Variants in GRIP2 observed in about 807,000 individuals in gnomAD.
The protein encoded by GRIP2 is glutamate receptor-interacting protein 2.
A neutral mutation model predicts 108.3 loss-of-function variants in GRIP2; 58 were observed. That is an observed-to-expected ratio of 0.54 (90% confidence interval 0.43 to 0.67). The LOEUF (loss-of-function observed/expected upper bound fraction) is 0.67. Among genes scored for constraint, GRIP2 ranks in the 30% least tolerant of loss-of-function variants. The pLI, the probability that GRIP2 is intolerant of heterozygous loss-of-function variation, is 0.00. For synonymous variants in GRIP2, 586 were observed against 598.2 expected (o/e 0.98, Z 0.30); for missense variants, 1,278 against 1,430.6 (o/e 0.89, Z 1.72).
chr3:14,514,505 A>G lies in GRIP2; in HGVS notation c.1307-27T>C, dbSNP rs1478512525. The G allele has an allele frequency of 2.0e-6, 3 of 1,515,524 alleles. No individual in the cohort carries two copies. In the Admixed American group the frequency reaches 6.3e-5, roughly 32 times the overall value. The allele number at this position is 1,515,524 out of a possible 1,614,324, so 93.9% of individuals were successfully genotyped here. On this transcript the variant is annotated intron_variant, in intron 11 of 23. Coordinates refer to ENST00000621039, the MANE Select transcript of GRIP2 (RefSeq NM_001080423.4). Reference sequence around the variant, plus strand: ...TGTAGGACAGGTGGGCCCAGCATTCAGGTGAGCCGCCCCACGGAGGTCTTC... The same window carrying G: ...TGTAGGACAGGTGGGCCCAGCATTCGGGTGAGCCGCCCCACGGAGGTCTTC...
In GRIP2 at chr3:14,496,764, A is replaced by G. The variant is rs1447869888; in HGVS notation, c.2680-204T>C. 2.4e-4 allele frequency among the ~76,000 whole-genome samples: 37 copies of G among 152,208 alleles called. 1 individual carries two copies. The highest frequency in any genetic ancestry group is 2.4e-3 in the Admixed American group (37 of 15,282). The stretch of plus-strand genomic sequence containing the variant: ...CACACTAACAATGAGAACAATAATC[A>G]CTGGCACGTAATCATTCGTGCCGAC... On this transcript the variant is annotated intron_variant, in intron 21 of 23. Transcript: ENST00000621039.
rs117375250 is a variant in GRIP2, at chr3:14,497,902, C to T, written c.2680-1342G>A. On this transcript the variant is annotated intron_variant, in intron 21 of 23. Transcript: ENST00000621039. The stretch of plus-strand genomic sequence containing the variant: ...TAAGCTGCCAGTCAGGAGTATGTGG[C>T]CCTGAGGGAAACAGCTTCACACTCA... Among the ~76,000 whole-genome samples the T allele has an allele frequency of 1.4e-4, 21 of 152,194 alleles. No homozygotes were observed. In the East Asian group the frequency reaches 4.1e-3, roughly 29 times the overall value.
Position 14,505,853 on chromosome 3 carries a change from T to G in GRIP2, c.2399-64A>C. The G allele has an allele frequency of 7.0e-7, 1 of 1,427,944 alleles. No individual in the cohort carries two copies. Among genetic ancestry groups the G allele is most frequent in the East Asian group, 2.6e-5 (1 of 39,170 alleles). The allele number at this position is 1,427,944 out of a possible 1,614,324, so 88.5% of individuals were successfully genotyped here. A position where few individuals can be genotyped will look rare whatever the true frequency, so the allele number is the denominator to read the frequency against. The stretch of plus-strand genomic sequence containing the variant: ...TCACCTTGCCCTCCTGCCTGCCCCA[T>G]TTCCAGCTGTGCTGAGTGACCCTGG... On this transcript the variant is annotated intron_variant, in intron 19 of 23. Transcript: ENST00000621039. This position sits in a 1 kb window ranked among gnomAD's most constrained non-coding sequence, Gnocchi z 4.2.
intron 21 of GRIP2, among the ~76,000 whole-genome samples, chr3:14,502,051 T>A (rs188210147): frequency 5.9e-5 from 9 of 152,310 alleles, no homozygotes; most frequent in Non-Finnish European, 1.2e-4. Flanking sequence ...TATATATTTT[T>A]TCAGGTGTAC....
intron 1 of GRIP2, among the ~76,000 whole-genome samples, chr3:14,547,182 G>A (rs186369956): frequency 3.1e-4 from 47 of 152,106 alleles, no homozygotes; most frequent in African/African-American, 1.1e-3. Context: ...AAGGGAGGGA[G>A]GAAAGATGGA....
the GRIP2 span, among the ~76,000 whole-genome samples, chr3:14,593,404 G>A: frequency 3.9e-5 from 6 of 152,158 alleles, no homozygotes; most frequent in Admixed American, 6.5e-5. Flanking sequence ...TCCCGCTTCC[G>A]GCAACGCAAG....
In GRIP2 at chr3:14,507,829, C is replaced by A; in HGVS notation, c.2079-129G>T. On this transcript the variant is annotated intron_variant, in intron 17 of 23. Transcript: ENST00000621039. This position sits in a 1 kb window ranked among gnomAD's most constrained non-coding sequence, Gnocchi z 4.6. ...GCTGACCCCAGTTAAACCCAGCTGC[C>A]AAAAACAAAACAAAAGCACGCAAGT... 1 of 1,013,156 alleles carries A rather than the reference C, an allele frequency of 9.9e-7. No individual in the cohort carries two copies. The highest frequency in any genetic ancestry group is 1.4e-6 in the Non-Finnish European group (1 of 691,330). The allele number at this position is 1,013,156 out of a possible 1,614,324, so 62.8% of individuals were successfully genotyped here.
At chr3:14,574,667 C>T in the GRIP2 span, 1 of 637,356 alleles carries the variant, frequency 1.6e-6, no homozygotes, top group South Asian at 1.5e-5. Context: ...TCGTGTTTTC[C>T]GCCAGAAAGC....
At chr3:14,582,401 C>G in the GRIP2 span, among the ~76,000 whole-genome samples, 3 of 152,164 alleles carry the variant, frequency 2.0e-5, no homozygotes, top group Non-Finnish European at 4.4e-5. Context: ...CCAGAGGCCA[C>G]CCACAAGATT....
intron 21 of GRIP2, 36 bp downstream of exon 21, chr3:14,503,530 G>A (rs570751153): frequency 1.4e-6 from 2 of 1,476,270 alleles, no homozygotes; most frequent in African/African-American, 1.4e-5. Context: ...ACAGCCCCGG[G>A]TGCCCCATGC....
In GRIP2 at chr3:14,511,049, C is replaced by T; in HGVS notation, c.1933+116G>A. 1 of 1,249,730 alleles carries T rather than the reference C, an allele frequency of 8.0e-7. No homozygotes were observed. Among genetic ancestry groups the T allele is most frequent in the Non-Finnish European group, 1.1e-6 (1 of 901,722 alleles). The allele number at this position is 1,249,730 out of a possible 1,614,324, so 77.4% of individuals were successfully genotyped here. ...TCATTTGTTCATTCCAGCCAGCCTT[C>T]AGCAGCGCCCACCACCCTCCCTTCC... On this transcript the variant is annotated intron_variant, in intron 16 of 23. Coordinates refer to ENST00000621039, the MANE Select transcript of GRIP2 (RefSeq NM_001080423.4). This position sits in a 1 kb window ranked among gnomAD's most constrained non-coding sequence, Gnocchi z 4.1.
chr3:14,497,153 G>A (rs1048189435), intron 21 of GRIP2, among the ~76,000 whole-genome samples: 5 of 151,898 alleles, frequency 3.3e-5, no homozygotes, highest in African/African-American at 1.2e-4. Flanking sequence ...TTTTAGTACA[G>A]ACGAGGTTTC....
upstream of GRIP2, among the ~76,000 whole-genome samples, chr3:14,560,007 C>G (rs1280203060): frequency 1.3e-5 from 2 of 152,140 alleles, no homozygotes; most frequent in Admixed American, 6.5e-5. Flanking sequence ...AATTCCAGCC[C>G]TTTGGGAGGC....
chr3:14,540,363 G>C, upstream of GRIP2: 1 of 1,611,638 alleles, frequency 6.2e-7, no homozygotes, highest in Non-Finnish European at 8.5e-7. The surrounding 1 kb of genome is among the most constrained non-coding windows in gnomAD (Gnocchi z 4.1). Context: ...CACGCTGCTT[G>C]GCCCTCCCTC....
In GRIP2 at chr3:14,522,852, C is replaced by T. The variant is rs753321188; in HGVS notation, c.566+148G>A. 3 of 666,018 alleles carry T rather than the reference C, an allele frequency of 4.5e-6. No individual in the cohort carries two copies. Among genetic ancestry groups the T allele is most frequent in the Middle Eastern group, 3.9e-4 (1 of 2,588 alleles). 41.3% of individuals were successfully genotyped at this position (666,018 alleles called of 1,614,324 possible). ...GGTTACATCCCGGTTCCATCAACAA[C>T]TCCCTGAATGACACCGGGCAGGGAG... On this transcript the variant is annotated intron_variant, in intron 6 of 23. Coordinates refer to ENST00000621039, the MANE Select transcript of GRIP2 (RefSeq NM_001080423.4). This position sits in a 1 kb window ranked among gnomAD's most constrained non-coding sequence, Gnocchi z 4.3.
chr3:14,505,656 A>G lies in GRIP2; in HGVS notation c.2532T>C (p.Phe844=). The change falls in exon 20 of 24, where the codon TTT becomes TTC. Residue 844 remains phenylalanine (F), a synonymous_variant. Coordinates refer to ENST00000621039, the MANE Select transcript of GRIP2 (RefSeq NM_001080423.4). The surrounding 1 kb of genome is among the most constrained non-coding windows in gnomAD (Gnocchi z 4.2). ...AATCATCCTCCTCCTCCTCCTCTGG[A>G]AAGCTCTCGTCAGCTGGGGTTGGGG... ...SYTPTPADES[F]PEEEEEDDWE... is the part of the protein sequence containing the mutation. 1 of 1,609,562 alleles carries G rather than the reference A, an allele frequency of 6.2e-7. No homozygotes were observed.
chr3:14,547,233 G>C (rs1695071819), intron 1 of GRIP2, among the ~76,000 whole-genome samples: 1 of 152,152 alleles, frequency 6.6e-6, no homozygotes, highest in Admixed American at 6.5e-5. Context: ...TCTACCCCGT[G>C]GTATCATTTA....
chr3:14,506,515 A>G (rs1400659681), intron 19 of GRIP2, among the ~76,000 whole-genome samples: 1 of 152,184 alleles, frequency 6.6e-6, no homozygotes, highest in Non-Finnish European at 1.5e-5. Flanking sequence ...AGTAGAAGAA[A>G]GACCAACTTT....
the GRIP2 span, among the ~76,000 whole-genome samples, chr3:14,599,703 GTGTGTGTGTT>G: frequency 1.1e-3 from 167 of 150,066 alleles, 1 homozygote; most frequent in African/African-American, 4.1e-3. Context: ...GTGTGTGTGT[GTGTGTGTGTT>G]TGTGTGTGTG....
Sources: gnomAD v4.1 joint callset for allele counts (sites outside exome capture counted in the v4.1 genomes callset) on GRCh38, gnomAD v4.1.1 for gene constraint, Gnocchi (gnomAD v3.1) non-coding constraint, MANE v1.5 for transcripts, NCBI Gene and HGNC (gene_info 2026-07-23, HGNC 2026-07-21) for gene names.